Variants in DTD1 observed in about 807,000 individuals in gnomAD.
The protein encoded by DTD1 is D-tyrosyl-tRNA deacylase 1 homolog.
DTD1 carries 13 observed loss-of-function variants against 25.6 expected under a neutral mutation model. That is an observed-to-expected ratio of 0.51 (90% CI 0.33 to 0.81). DTD1 has a LOEUF of 0.81. Ranked by LOEUF, DTD1 falls within the 30% of genes least tolerant of loss-of-function variation. The pLI, the probability that DTD1 is intolerant of heterozygous loss-of-function variation, is 0.02. For synonymous variants in DTD1, 110 were observed against 103.6 expected, an observed-to-expected ratio of 1.06 and a Z score of -0.37; for missense variants, 193 against 266.4, an observed-to-expected ratio of 0.72 and a Z score of 1.92.
At position 18,595,890 on chromosome 20, in the gene DTD1, A is replaced by G. The variant is rs1009734091; in HGVS notation, c.135-116A>G. 1.4e-5 allele frequency: 12 copies of G among 834,234 alleles called. No homozygotes were observed. In the African/African-American group the frequency reaches 1.8e-4, roughly 13 times the overall value. The allele number at this position is 834,234 out of a possible 1,614,324, so 51.7% of individuals were successfully genotyped here. On this transcript the variant is annotated intron_variant, in intron 2 of 5. Coordinates refer to ENST00000377452, the MANE Select transcript of DTD1 (RefSeq NM_080820.6). ...CCTGAGGTCATGCCTCCTGTCAGGG[A>G]TGGAGTCATCATTATGTCCTTATTT...
At chr20:18,670,342 G>C (rs151067569) in intron 4 of DTD1, among the ~76,000 whole-genome samples, 1 of 152,264 alleles carries the variant, frequency 6.6e-6, no homozygotes, top group Non-Finnish European at 1.5e-5. Context: ...TGTAATCCCA[G>C]CTACTTGGAA....
At chr20:18,677,808 C>G (rs1045521219) in intron 4 of DTD1, among the ~76,000 whole-genome samples, 5 of 151,836 alleles carry the variant, frequency 3.3e-5, no homozygotes, top group Non-Finnish European at 5.9e-5. Context: ...CCAAATACAA[C>G]TGCAAAGACA....
chr20:18,685,819 T>C (rs960711628), intron 4 of DTD1, among the ~76,000 whole-genome samples: 1 of 152,194 alleles, frequency 6.6e-6, no homozygotes, highest in South Asian at 2.1e-4. Context: ...CACTGAACAA[T>C]GGGAATAGGA....
intron 4 of DTD1, among the ~76,000 whole-genome samples, chr20:18,664,991 A>G (rs1332565692): frequency 6.6e-6 from 1 of 152,194 alleles, no homozygotes; most frequent in East Asian, 1.9e-4. Flanking sequence ...GTCAGAAAAA[A>G]AATAATAAAA....
chr20:18,708,288 TA>T (rs2061141345), intron 4 of DTD1, among the ~76,000 whole-genome samples: 2 of 31,334 alleles, frequency 6.4e-5, no homozygotes, highest in Non-Finnish European at 1.4e-4. Context: ...ATATATATTA[TA>T]TATATATAAT....
chr20:18,695,727 A>G (rs2061073710), intron 4 of DTD1, among the ~76,000 whole-genome samples: 1 of 149,232 alleles, frequency 6.7e-6, no homozygotes, highest in African/African-American at 2.5e-5. Context: ...CTGGAGTGCA[A>G]TGGTGCAGTC....
chr20:18,619,660 G>A, intron 3 of DTD1, among the ~76,000 whole-genome samples: 1 of 151,880 alleles, frequency 6.6e-6, no homozygotes, highest in East Asian at 1.9e-4. Context: ...CCTGAGCTCA[G>A]GCTATCTGCC....
rs907319341 is a variant in DTD1 at position 18,645,890 on chromosome 20, T to G, written c.477+17657T>G. Among the ~76,000 whole-genome samples the G allele has an allele frequency of 2.0e-5, 3 of 152,246 alleles. No individual in the cohort carries two copies. The South Asian group carries it at 6.2e-4, about 32-fold the overall frequency. On this transcript the variant is annotated intron_variant, in intron 4 of 5. Coordinates refer to ENST00000377452, the MANE Select transcript of DTD1 (RefSeq NM_080820.6). ...GTTAGTATTTTAGCATATGGCAGAG[T>G]GGACATGTTTCAGTCATCAGTTTAA...
chr20:18,591,995 G>C (rs1176553160), intron 1 of DTD1, among the ~76,000 whole-genome samples: 1 of 152,196 alleles, frequency 6.6e-6, no homozygotes, highest in Non-Finnish European at 1.5e-5. Flanking sequence ...AAGCATTACT[G>C]ATATTTCAGG....
chr20:18,749,123 G>T lies in DTD1; in HGVS notation c.*19+4852G>T, dbSNP rs2061311988. 6.6e-6 allele frequency among the ~76,000 whole-genome samples: 1 copy of T among 152,200 alleles called. No homozygotes were observed. Among genetic ancestry groups the T allele is most frequent in the Non-Finnish European group, 1.5e-5 (1 of 68,042 alleles). On this transcript the variant is annotated intron_variant, in intron 5 of 5. Transcript: ENST00000377452. This position sits in a 1 kb window ranked among gnomAD's most constrained non-coding sequence, Gnocchi z 4.2. ...GGGACAGATGGAGGGGAAGCTGAAG[G>T]CCCCTGGCATGTTCTGGCTGTGCTC... is the stretch of plus-strand genomic sequence containing the variant.
At chr20:18,609,550 T>C (rs1303039058) in intron 3 of DTD1, among the ~76,000 whole-genome samples, 1 of 152,162 alleles carries the variant, frequency 6.6e-6, no homozygotes, top group African/African-American at 2.4e-5. Context: ...TCAACCTTAA[T>C]AAAATTTTTG....
intron 5 of DTD1, among the ~76,000 whole-genome samples, chr20:18,744,636 C>CAAAAA (rs796918448): frequency 2.6e-4 from 3 of 11,334 alleles, no homozygotes; most frequent in Non-Finnish European, 1.3e-3. Flanking sequence ...GACTCCATCT[C>CAAAAA]AAAAAAAAAA....
intron 4 of DTD1, 125 bp from the exon 5 acceptor site, chr20:18,743,975 G>C: frequency 1.0e-6 from 1 of 979,202 alleles, no homozygotes; most frequent in South Asian, 1.8e-5. Flanking sequence ...CTGAACCACT[G>C]TGCTCTGCCA....
At chr20:18,623,404 ATCT>A (rs1451459439) in intron 3 of DTD1, among the ~76,000 whole-genome samples, 3 of 150,764 alleles carry the variant, frequency 2.0e-5, no homozygotes, top group South Asian at 4.2e-4. Flanking sequence ...TTTTCACTTC[ATCT>A]TCTTCACTTT....
At position 18,643,040 on chromosome 20, in the gene DTD1, C is replaced by A. The variant is rs558742649; in HGVS notation, c.477+14807C>A. On this transcript the variant is annotated intron_variant, in intron 4 of 5. Coordinates refer to ENST00000377452, the MANE Select transcript of DTD1 (RefSeq NM_080820.6). The stretch of plus-strand genomic sequence containing the variant: ...AAGAGATTCTCCCGCCTCAGCCTCC[C>A]CAGTAGCTGGGATTGCAGGCATGTG... 202 of 159,900 alleles carry A rather than the reference C, an allele frequency of 1.3e-3. 1 individual carries two copies. The highest frequency in any genetic ancestry group is 2.4e-3 in the Non-Finnish European group (174 of 73,038). 9.9% of individuals were successfully genotyped at this position (159,900 alleles called of 1,614,324 possible).
chr20:18,685,995 A>G (rs1051224498), intron 4 of DTD1, among the ~76,000 whole-genome samples: 8 of 152,298 alleles, frequency 5.3e-5, no homozygotes, highest in Middle Eastern at 6.8e-3. Context: ...GGGCCTTTGC[A>G]TCATGTCCCA....
chr20:18,660,376 C>T (rs1178394087), intron 4 of DTD1, among the ~76,000 whole-genome samples: 5 of 152,024 alleles, frequency 3.3e-5, no homozygotes, highest in Non-Finnish European at 4.4e-5. Context: ...CACACAAGTA[C>T]GCTTGGCAAA....
chr20:18,716,369 G>A (rs898030139), intron 4 of DTD1, among the ~76,000 whole-genome samples: 6 of 152,218 alleles, frequency 3.9e-5, no homozygotes, highest in African/African-American at 1.4e-4. Flanking sequence ...GGGTCTGACT[G>A]GTTGGGGAAG....
chr20:18,627,984 T>C, intron 3 of DTD1, 143 bp from the exon 4 acceptor site: 1 of 642,550 alleles, frequency 1.6e-6, no homozygotes, highest in Non-Finnish European at 2.6e-6. Context: ...GAACTGTGAG[T>C]CCGTTAAACC....
Sources: gnomAD v4.1 joint callset for allele counts (sites outside exome capture counted in the v4.1 genomes callset) on GRCh38, gnomAD v4.1.1 for gene constraint, Gnocchi (gnomAD v3.1) non-coding constraint, MANE v1.5 for transcripts, NCBI Gene and HGNC (gene_info 2026-07-23, HGNC 2026-07-21) for gene names.